The following ZFHX3 variants were observed in gnomAD, a reference collection of about 807,000 sequenced individuals.
The protein encoded by ZFHX3 is zinc finger homeobox 3.
Under a neutral mutation model 279.1 loss-of-function variants are expected in ZFHX3, and 42 were observed. The observed-to-expected ratio is 0.15, with a 90% CI of 0.12 to 0.19. The LOEUF (loss-of-function observed/expected upper bound fraction) is 0.19. Among genes scored for constraint, ZFHX3 ranks in the 10% least tolerant of loss-of-function variants. ZFHX3 has a pLI of 1.00. For missense variants in ZFHX3, 4,981 were observed against 4,754.0 expected (o/e 1.05, Z -1.40); for synonymous variants, 2,293 against 1,957.8 (o/e 1.17, Z -4.52).
chr16:73,127,593 C>T (rs990680542), intron 7 of ZFHX3: 9 of 1,300,970 alleles, frequency 6.9e-6, no homozygotes, highest in East Asian at 5.6e-5. Flanking sequence ...CCACTGACCA[C>T]GGAGCACTGC....
chr16:73,467,211 C>T (rs183044865), intron 2 of ZFHX3, among the ~76,000 whole-genome samples: 296 of 152,248 alleles, frequency 1.9e-3, no homozygotes, highest in African/African-American at 4.9e-3. Context: ...CTCACGGAAA[C>T]GTAGAGAACA....
At chr16:72,854,550 G>A (rs1053437851) in intron 4 of ZFHX3, among the ~76,000 whole-genome samples, 1 of 152,104 alleles carries the variant, frequency 6.6e-6, no homozygotes, top group Non-Finnish European at 1.5e-5. Flanking sequence ...TCCCAAGAAC[G>A]ACTGGCAGAA....
chr16:73,060,948 C>T (rs1965675479), upstream of ZFHX3: 1 of 151,904 alleles, frequency 6.6e-6, no homozygotes, highest in African/African-American at 2.4e-5. Context: ...AGAAAAAAAC[C>T]GGTTTAGGAT....
chr16:73,432,560 T>C (rs1354938571), intron 3 of ZFHX3, among the ~76,000 whole-genome samples: 2 of 152,218 alleles, frequency 1.3e-5, no homozygotes, highest in Non-Finnish European at 2.9e-5. Context: ...CATTCTGTTA[T>C]TCACATATGA....
At chr16:72,943,446 T>G (rs1960509218) in intron 3 of ZFHX3, among the ~76,000 whole-genome samples, 3 of 151,998 alleles carry the variant, frequency 2.0e-5, no homozygotes. Flanking sequence ...GGCATGAGAA[T>G]CACTTGAACC....
intron 4 of ZFHX3, among the ~76,000 whole-genome samples, chr16:72,860,046 C>T (rs934007286): frequency 2.0e-5 from 3 of 152,192 alleles, no homozygotes; most frequent in African/African-American, 7.2e-5. Flanking sequence ...ACATGGTGGA[C>T]GTTTGCAGCT....
At chr16:72,833,906 C>A (rs2037123711) in intron 4 of ZFHX3, among the ~76,000 whole-genome samples, 1 of 152,114 alleles carries the variant, frequency 6.6e-6, no homozygotes, top group Non-Finnish European at 1.5e-5. Context: ...TCCTAGGGTC[C>A]CTTCTGCCTT....
chr16:72,798,301 G>T lies in ZFHX3; in HGVS notation c.4381C>A (p.Gln1461Lys), dbSNP rs1413777897. 13 of 1,614,080 alleles carry T rather than the reference G, an allele frequency of 8.1e-6. No individual in the cohort carries two copies. The highest frequency in any genetic ancestry group is 1.1e-5 in the Non-Finnish European group (13 of 1,180,056). Reference protein sequence around the residue: ...SHLELSEADIQQLYGGLLANG... With the variant: ...SHLELSEADIKQLYGGLLANG... The stretch of plus-strand genomic sequence containing the variant: ...GCCAGCAGGCCACCATAAAGCTGTT[G>T]GATGTCAGCCTCACTCAGCTCCAGG... Residue 1461 changes from glutamine (Q) to lysine (K), a missense_variant, in exon 9 of 10, where the codon CAA (glutamine) becomes AAA (lysine). By Grantham distance (53) the Gln-to-Lys change is moderately conservative (BLOSUM62 1). Transcript: ENST00000268489.
At chr16:72,889,637 G>GT in intron 4 of ZFHX3, 94 bp downstream of exon 4, 1 of 1,213,842 alleles carries the variant, frequency 8.2e-7, no homozygotes, top group Non-Finnish European at 1.2e-6. Context: ...AGCTGGATCA[G>GT]TAACGTCTCC....
chr16:72,864,333 C>G (rs1023220422), intron 4 of ZFHX3, among the ~76,000 whole-genome samples: 6 of 152,150 alleles, frequency 3.9e-5, no homozygotes, highest in Admixed American at 1.3e-4. Flanking sequence ...TTGAAGATAC[C>G]TGGCACATGG....
At chr16:73,090,043 AG>A (rs1281767000) in intron 8 of ZFHX3, among the ~76,000 whole-genome samples, 1 of 152,190 alleles carries the variant, frequency 6.6e-6, no homozygotes, top group Non-Finnish European at 1.5e-5. Flanking sequence ...CTCCAGGCTG[AG>A]GCACTTTTTT....
intron 3 of ZFHX3, among the ~76,000 whole-genome samples, chr16:73,367,611 T>C (rs1015903001): frequency 2.0e-5 from 3 of 152,116 alleles, no homozygotes; most frequent in Non-Finnish European, 4.4e-5. Flanking sequence ...ATCATGTGGC[T>C]GTGGGTGTGG....
At chr16:73,249,851 A>ACACACAC (rs1567430382) in intron 5 of ZFHX3, among the ~76,000 whole-genome samples, 8 of 86,054 alleles carry the variant, frequency 9.3e-5, no homozygotes, top group Non-Finnish European at 1.6e-4. Flanking sequence ...CACACACACA[A>ACACACAC]AATTCAAAAG....
At chr16:73,542,776 T>TA (rs941707201) in intron 2 of ZFHX3, among the ~76,000 whole-genome samples, 36 of 151,216 alleles carry the variant, frequency 2.4e-4, no homozygotes, top group South Asian at 1.0e-3. Context: ...ATACTCATAC[T>TA]AAAAAAAAAT....
At position 73,481,066 on chromosome 16, in the gene ZFHX3, C is replaced by T. The variant is rs1314143595; in HGVS notation, c.-1546-24808G>A. 2.0e-5 allele frequency among the ~76,000 whole-genome samples: 3 copies of T among 152,212 alleles called. No homozygotes were observed. The East Asian group carries it at 5.8e-4, about 30-fold the overall frequency. The stretch of plus-strand genomic sequence containing the variant: ...AAATCCCGGGCTGGGTGTGGTGGCT[C>T]ACACCTGTAATCCCAGAACTTTGAG... On this transcript the variant is annotated intron_variant, in intron 2 of 17. Transcript: ENST00000641206.
intron 2 of ZFHX3, among the ~76,000 whole-genome samples, chr16:72,956,127 C>CAT (rs1961240029): frequency 6.6e-6 from 1 of 152,182 alleles, no homozygotes; most frequent in East Asian, 1.9e-4. Context: ...AAACTGAATA[C>CAT]ATAGCAAGAA....
chr16:73,432,896 C>G (rs2017933376), intron 3 of ZFHX3, among the ~76,000 whole-genome samples: 1 of 152,190 alleles, frequency 6.6e-6, no homozygotes, highest in Non-Finnish European at 1.5e-5. Context: ...CTGACAGAGA[C>G]AGTTAAGAAT....
At chr16:72,824,221 G>T (rs766387026) in intron 5 of ZFHX3, among the ~76,000 whole-genome samples, 68 of 152,076 alleles carry the variant, frequency 4.5e-4, no homozygotes, top group Non-Finnish European at 7.3e-5. Flanking sequence ...TGTCAAATCC[G>T]ATTGGAATCA....
intron 3 of ZFHX3, among the ~76,000 whole-genome samples, chr16:73,403,140 G>A (rs951846353): frequency 6.6e-6 from 1 of 152,190 alleles, no homozygotes; most frequent in Non-Finnish European, 1.5e-5. Context: ...ACTGAGTAAG[G>A]AAGGGTGGAA....
Sources: gnomAD v4.1 joint callset for allele counts (sites outside exome capture counted in the v4.1 genomes callset) on GRCh38, gnomAD v4.1.1 for gene constraint, MANE v1.5 for transcripts, NCBI Gene and HGNC (gene_info 2026-07-23, HGNC 2026-07-21) for gene names.